DOCK4: variants seen among roughly 807,000 people sequenced by gnomAD.
DOCK4 encodes dedicator of cytokinesis protein 4.
A neutral mutation model predicts 268.1 loss-of-function variants in DOCK4; 97 were observed. The observed-to-expected ratio is 0.36, with a 90% CI of 0.31 to 0.43. The LOEUF is 0.43. Among genes scored for constraint, DOCK4 ranks in the 20% least tolerant of loss-of-function variants. The probability of loss-of-function intolerance (pLI) is 1.00; values close to 1 mark genes in which losing one functional copy is unlikely to be tolerated. For missense variants in DOCK4, 2,145 were observed against 2,455.7 expected, an observed-to-expected ratio of 0.87 and a Z score of 2.67; for synonymous variants, 954 against 887.2, an observed-to-expected ratio of 1.08 and a Z score of -1.34.
chr7:112,094,545 T>C (rs1351029346), intron 1 of DOCK4, among the ~76,000 whole-genome samples: 1 of 152,214 alleles, frequency 6.6e-6, no homozygotes, highest in Admixed American at 6.5e-5. Context: ...CCTATTAAAA[T>C]ATGATGCATA....
At chr7:111,921,743 G>A (rs529085512) in intron 12 of DOCK4, among the ~76,000 whole-genome samples, 2 of 152,246 alleles carry the variant, frequency 1.3e-5, no homozygotes, top group Admixed American at 1.3e-4. Context: ...CAAAGGAAGT[G>A]TCAGCTGCTA....
intron 1 of DOCK4, among the ~76,000 whole-genome samples, chr7:112,017,819 TG>T (rs901827826): frequency 1.9e-4 from 29 of 152,248 alleles, no homozygotes; most frequent in African/African-American, 6.5e-4. Context: ...TCATGTCTTC[TG>T]GGATCTGGGT....
At chr7:112,105,434 A>G (rs1811054049) in intron 1 of DOCK4, among the ~76,000 whole-genome samples, 1 of 152,044 alleles carries the variant, frequency 6.6e-6, no homozygotes, top group South Asian at 2.1e-4. Flanking sequence ...TTTTTTAAAA[A>G]TATAAGAAGT....
At chr7:111,768,255 G>T (rs1206647542) in intron 37 of DOCK4, among the ~76,000 whole-genome samples, 1 of 152,146 alleles carries the variant, frequency 6.6e-6, no homozygotes, top group Non-Finnish European at 1.5e-5. Context: ...TCCCGGGGAT[G>T]GACCAATAAA....
intron 1 of DOCK4, among the ~76,000 whole-genome samples, chr7:112,025,178 G>A (rs73432705): frequency 0.011 from 1,740 of 151,692 alleles, 40 homozygotes; most frequent in African/African-American, 0.04. Flanking sequence ...ACCATACGCC[G>A]GCACCATGCT....
intron 13 of DOCK4, among the ~76,000 whole-genome samples, chr7:111,904,981 T>G (rs1449307692): frequency 6.6e-6 from 1 of 152,226 alleles, no homozygotes; most frequent in Non-Finnish European, 1.5e-5. Flanking sequence ...TGCAAATCTT[T>G]TAGACTAAAA....
intron 1 of DOCK4, among the ~76,000 whole-genome samples, chr7:112,131,912 T>C (rs747260580): frequency 3.9e-5 from 6 of 152,128 alleles, no homozygotes; most frequent in Non-Finnish European, 5.9e-5. Flanking sequence ...AAGACGCCAG[T>C]GTCCTACAGG....
chr7:111,825,919 CAT>C (rs1249235363), intron 26 of DOCK4, among the ~76,000 whole-genome samples: 1 of 152,138 alleles, frequency 6.6e-6, no homozygotes, highest in Non-Finnish European at 1.5e-5. Flanking sequence ...TGATCACTAA[CAT>C]GTACTGATTT....
At position 112,066,693 on chromosome 7, in the gene DOCK4, A is replaced by AT. The variant is rs1563052141; in HGVS notation, c.38-62563dup. Among the ~76,000 whole-genome samples the AT allele has an allele frequency of 6.2e-4, 5 of 8,016 alleles. 1 individual carries two copies. Among genetic ancestry groups the AT allele is most frequent in the African/African-American group, 1.1e-3 (4 of 3,748 alleles). 5.3% of individuals were successfully genotyped at this position (8,016 alleles called of 152,430 possible). The stretch of plus-strand genomic sequence containing the variant: ...TACATATACATATATACATATACAT[A>AT]TATATATATATATATATATATATAT... On this transcript the variant is annotated intron_variant, in intron 1 of 52. Coordinates refer to ENST00000428084, the MANE Select transcript of DOCK4 (RefSeq NM_001363540.2).
intron 8 of DOCK4, among the ~76,000 whole-genome samples, chr7:111,961,791 C>T (rs899669310): frequency 1.3e-5 from 2 of 152,118 alleles, no homozygotes; most frequent in Admixed American, 6.5e-5. Context: ...GTTCATGTAA[C>T]GAGTATTTTT....
At chr7:111,803,691 C>G (rs1382826677) in intron 30 of DOCK4, among the ~76,000 whole-genome samples, 1 of 152,146 alleles carries the variant, frequency 6.6e-6, no homozygotes, top group Non-Finnish European at 1.5e-5. Flanking sequence ...TTTCTCTGTT[C>G]TTGCAAGTAG....
At chr7:111,766,077 C>G (rs566580725) in intron 38 of DOCK4, among the ~76,000 whole-genome samples, 4 of 152,262 alleles carry the variant, frequency 2.6e-5, no homozygotes, top group African/African-American at 9.6e-5. Context: ...AAGAGATGAA[C>G]AGCAATGTTT....
intron 41 of DOCK4, among the ~76,000 whole-genome samples, 168 bp downstream of exon 41, chr7:111,758,456 T>A (rs921829917): frequency 6.6e-6 from 1 of 152,200 alleles, no homozygotes; most frequent in Admixed American, 6.5e-5. Context: ...GCACTCCATG[T>A]CACTCTGATG....
At chr7:112,123,228 C>T (rs1230012433) in intron 1 of DOCK4, among the ~76,000 whole-genome samples, 1 of 152,126 alleles carries the variant, frequency 6.6e-6, no homozygotes, top group African/African-American at 2.4e-5. Context: ...AGAAGATCTC[C>T]TTGGTGGGTC....
intron 2 of DOCK4, among the ~76,000 whole-genome samples, chr7:112,002,321 T>C (rs1020221837): frequency 2.6e-5 from 4 of 152,154 alleles, no homozygotes; most frequent in Admixed American, 2.0e-4. Flanking sequence ...TTCTTGAGAA[T>C]TGCAAAAATG....
At chr7:112,009,513 A>G (rs1801122159) in intron 1 of DOCK4, among the ~76,000 whole-genome samples, 1 of 152,244 alleles carries the variant, frequency 6.6e-6, no homozygotes, top group Non-Finnish European at 1.5e-5. Flanking sequence ...ACTGGTCTGA[A>G]AACATAGCAG....
rs775759991 is a variant in DOCK4, at chr7:111,863,471, C to A, written c.2374G>T (p.Gly792Cys). 1.2e-6 allele frequency: 2 copies of A among 1,613,910 alleles called. No homozygotes were observed. The highest frequency in any genetic ancestry group is 1.7e-6 in the Non-Finnish European group (2 of 1,179,884). ...EVANLVQDTL[G>C]SLPTILHVDD... The stretch of plus-strand genomic sequence containing the variant: ...ACATGCAGGATGGTCGGCAGACTGC[C>A]CAGGGTGTCCTGGACCAAGTTGGCT... Residue 792 changes from glycine (G) to cysteine (C), a missense_variant, in exon 23 of 53, where the codon GGC becomes TGC. Around this residue, in one of 2 missense-constraint regions of DOCK4, gnomAD observed 1,598 missense variants for 1,986.7 expected, o/e 0.80. Coordinates refer to ENST00000428084, the MANE Select transcript of DOCK4 (RefSeq NM_001363540.2).
chr7:111,974,363 C>A (rs1164093768), intron 8 of DOCK4, among the ~76,000 whole-genome samples: 2 of 151,960 alleles, frequency 1.3e-5, no homozygotes, highest in Non-Finnish European at 2.9e-5. Context: ...TGCCAATCAC[C>A]TTTATGGTGA....
intron 1 of DOCK4, among the ~76,000 whole-genome samples, chr7:112,113,360 G>C (rs1811838759): frequency 1.3e-5 from 2 of 152,286 alleles, no homozygotes; most frequent in African/African-American, 4.8e-5. Flanking sequence ...ACTAAGGTCA[G>C]TGGGCCAGAG....
Sources: gnomAD v4.1 joint callset for allele counts (sites outside exome capture counted in the v4.1 genomes callset) on GRCh38, gnomAD v4.1.1 for gene constraint, gnomAD v4.1.1 regional missense constraint, MANE v1.5 for transcripts, NCBI Gene and HGNC (gene_info 2026-07-23, HGNC 2026-07-21) for gene names.